The following SCHIP1 variants were observed in gnomAD, a reference collection of about 807,000 sequenced individuals.
The protein encoded by SCHIP1 is schwannomin interacting protein 1.
Under a neutral mutation model 29.7 loss-of-function variants are expected in SCHIP1, and 8 were observed. The observed-to-expected ratio is 0.27, with a 90% CI of 0.16 to 0.49. The LOEUF is 0.49. Among genes scored for constraint, SCHIP1 ranks in the 20% least tolerant of loss-of-function variants. The probability of loss-of-function intolerance (pLI) is 0.99; values close to 1 mark genes in which losing one functional copy is unlikely to be tolerated. For missense variants in SCHIP1, 193 were observed against 294.6 expected (o/e 0.66, Z 2.52); for synonymous variants, 76 against 94.9 (o/e 0.80, Z 1.16).
chr3:159,680,705 T>TAA, the SCHIP1 span, among the ~76,000 whole-genome samples: 6 of 5,592 alleles, frequency 1.1e-3, no homozygotes, highest in Non-Finnish European at 1.8e-3. Context: ...ATAATATATA[T>TAA]TATATATAAT....
the SCHIP1 span, among the ~76,000 whole-genome samples, chr3:159,486,607 G>A: frequency 6.6e-6 from 1 of 152,208 alleles, no homozygotes; most frequent in East Asian, 1.9e-4. Flanking sequence ...GCCAAAAGAA[G>A]GCACTCCCTC....
chr3:159,820,645 G>A, the SCHIP1 span, among the ~76,000 whole-genome samples: 1 of 152,184 alleles, frequency 6.6e-6, no homozygotes, highest in Non-Finnish European at 1.5e-5. Flanking sequence ...AGTGTTAGGA[G>A]GTCAGGGTTG....
the SCHIP1 span, among the ~76,000 whole-genome samples, chr3:159,723,272 A>G: frequency 6.6e-6 from 1 of 152,256 alleles, no homozygotes. Context: ...GAAATTAATA[A>G]TAGCTGATAA....
At chr3:159,748,310 C>T in the SCHIP1 span, among the ~76,000 whole-genome samples, 42,185 of 152,102 alleles carry the variant, frequency 0.28, 5,896 homozygotes, top group Middle Eastern at 0.35. Context: ...TACTGTGTAA[C>T]GTAACTCTTC....
At chr3:159,812,542 C>T in the SCHIP1 span, among the ~76,000 whole-genome samples, 1 of 152,142 alleles carries the variant, frequency 6.6e-6, no homozygotes, top group Non-Finnish European at 1.5e-5. Context: ...CATATCCAGT[C>T]CAAATGAACC....
chr3:159,353,031 C>G, the SCHIP1 span, among the ~76,000 whole-genome samples: 2 of 152,020 alleles, frequency 1.3e-5, no homozygotes, highest in African/African-American at 4.8e-5. Flanking sequence ...ACCACCTGTT[C>G]AACCCTTTTT....
At chr3:159,849,075 A>G (rs1445057890) in intron 1 of SCHIP1, among the ~76,000 whole-genome samples, 3 of 152,130 alleles carry the variant, frequency 2.0e-5, no homozygotes. Flanking sequence ...AGGAGCTAGC[A>G]GGTAGAGGAG....
At chr3:159,703,447 C>A in the SCHIP1 span, among the ~76,000 whole-genome samples, 1 of 152,048 alleles carries the variant, frequency 6.6e-6, no homozygotes, top group Admixed American at 6.5e-5. Context: ...GGATTTGTAG[C>A]TGATATACCA....
At chr3:159,626,089 TATAGATAGATAGATAG>T in the SCHIP1 span, among the ~76,000 whole-genome samples, 1,690 of 98,084 alleles carry the variant, frequency 0.017, 35 homozygotes, top group Non-Finnish European at 0.02. Context: ...GTGCAGCTTA[TATAGATAGATAGATAG>T]ATAGATAGAT....
At chr3:159,690,561 G>C in the SCHIP1 span, among the ~76,000 whole-genome samples, 5 of 152,064 alleles carry the variant, frequency 3.3e-5, no homozygotes, top group Admixed American at 1.3e-4. Context: ...TGGATTCATT[G>C]ATTTTTTGAA....
chr3:159,759,704 G>A, the SCHIP1 span, among the ~76,000 whole-genome samples: 34,604 of 151,986 alleles, frequency 0.23, 4,531 homozygotes, highest in Middle Eastern at 0.37. Context: ...AAATAGGAGA[G>A]CATCTGTGTA....
upstream of SCHIP1, among the ~76,000 whole-genome samples, chr3:159,838,704 C>G (rs187082364): frequency 1.0e-3 from 155 of 151,636 alleles, no homozygotes; most frequent in African/African-American, 3.6e-3. Context: ...TCCTGGCTAA[C>G]ACGGTGAAAC....
At chr3:159,577,730 G>C in the SCHIP1 span, among the ~76,000 whole-genome samples, 233 of 152,230 alleles carry the variant, frequency 1.5e-3, 1 homozygote, top group African/African-American at 5.4e-3. Flanking sequence ...AGCTAGAAGG[G>C]AGACCAAATT....
chr3:159,502,256 G>A, the SCHIP1 span, among the ~76,000 whole-genome samples: 1 of 152,152 alleles, frequency 6.6e-6, no homozygotes, highest in Non-Finnish European at 1.5e-5. Context: ...AAGAGATACA[G>A]GCTTTAGTTT....
At chr3:159,306,472 C>A in the SCHIP1 span, 1 of 189,378 alleles carries the variant, frequency 5.3e-6, no homozygotes, top group Non-Finnish European at 9.8e-6. Context: ...ACTAATCCTG[C>A]AATACATTTT....
chr3:159,836,485 G>A (rs1743669577), upstream of SCHIP1, among the ~76,000 whole-genome samples: 1 of 152,186 alleles, frequency 6.6e-6, no homozygotes, highest in South Asian at 2.1e-4. Context: ...ACAACATTCA[G>A]ACCATAGGAG....
chr3:159,430,150 T>C, the SCHIP1 span, among the ~76,000 whole-genome samples: 2 of 152,156 alleles, frequency 1.3e-5, no homozygotes, highest in Non-Finnish European at 2.9e-5. Flanking sequence ...TTCCTGAATG[T>C]GTTTGTGATT....
chr3:159,327,000 A>G, the SCHIP1 span, among the ~76,000 whole-genome samples: 14 of 152,340 alleles, frequency 9.2e-5, no homozygotes, highest in East Asian at 2.7e-3. Flanking sequence ...GGATCATTTA[A>G]TATGAGGATA....
At chr3:159,719,047 G>A in the SCHIP1 span, among the ~76,000 whole-genome samples, 1 of 152,054 alleles carries the variant, frequency 6.6e-6, no homozygotes, top group Non-Finnish European at 1.5e-5. Flanking sequence ...ATAGACCAAT[G>A]GAACAGAACA....
Sources: allele counts gnomAD v4.1 joint callset (sites outside exome capture counted in the v4.1 genomes callset), GRCh38; gene constraint gnomAD v4.1.1; transcripts MANE v1.5; gene names NCBI Gene and HGNC (gene_info 2026-07-23, HGNC 2026-07-21).